DNAH2: variants seen among roughly 807,000 people sequenced by gnomAD.
DNAH2 encodes axonemal beta dynein heavy chain 2.
Under a neutral mutation model 523.5 loss-of-function variants are expected in DNAH2, and 323 were observed. The observed-to-expected ratio is 0.62, with a 90% confidence interval of 0.56 to 0.68. The LOEUF (loss-of-function observed/expected upper bound fraction) is 0.68, where lower values mean the gene tolerates loss of function less well. Ranked by LOEUF, DNAH2 falls within the 30% of genes least tolerant of loss-of-function variation. The probability of loss-of-function intolerance (pLI) is 0.00; values close to 1 mark genes in which losing one functional copy is unlikely to be tolerated. For synonymous variants in DNAH2, 2,093 were observed against 2,177.4 expected, an observed-to-expected ratio of 0.96 and a Z score of 1.08; for missense variants, 4,907 against 5,701.5, an observed-to-expected ratio of 0.86 and a Z score of 4.49.
chr17:7,830,636 C>T (rs1005596055), intron 78 of DNAH2, 22 bp from the exon 79 acceptor site: 1 of 1,612,670 alleles, frequency 6.2e-7, no homozygotes, highest in Non-Finnish European at 8.5e-7. Context: ...GGAATGGGGG[C>T]TTGGGCTGGG....
At chr17:7,811,208 G>A (rs2077507954) in intron 63 of DNAH2, among the ~76,000 whole-genome samples, 1 of 152,000 alleles carries the variant, frequency 6.6e-6, no homozygotes, top group Non-Finnish European at 1.5e-5. Context: ...ACATATCAGA[G>A]GCCATTTAGT....
At chr17:7,744,374 G>A (rs969773780) in intron 12 of DNAH2, among the ~76,000 whole-genome samples, 2 of 151,936 alleles carry the variant, frequency 1.3e-5, no homozygotes, top group South Asian at 2.1e-4. Flanking sequence ...GTGTGGAGAC[G>A]GAGTCCCAGG....
At chr17:7,770,522 A>G (rs774050501) in intron 25 of DNAH2, 35 bp from the exon 26 acceptor site, 4 of 1,613,394 alleles carry the variant, frequency 2.5e-6, no homozygotes, top group Middle Eastern at 1.7e-4. Context: ...GTGAAGAGAT[A>G]CCTGACTGCT....
chr17:7,727,412 G>T (rs1031258175), intron 4 of DNAH2, 120 bp downstream of exon 4: 6 of 1,310,368 alleles, frequency 4.6e-6, no homozygotes, highest in Admixed American at 5.9e-5. Flanking sequence ...GCCCCACTGT[G>T]TCAGGCACCC....
intron 77 of DNAH2, among the ~76,000 whole-genome samples, chr17:7,829,934 G>A (rs563229627): frequency 9.0e-4 from 136 of 150,596 alleles, no homozygotes; most frequent in African/African-American, 3.0e-3. Flanking sequence ...GCTGGGGCAG[G>A]AGAATCGCTT....
intron 2 of DNAH2, among the ~76,000 whole-genome samples, chr17:7,722,191 G>GA (rs976574723): frequency 1.0e-5 from 1 of 99,612 alleles, no homozygotes. Context: ...TAGAGACGGG[G>GA]GGGGGGGTTC....
At chr17:7,770,434 C>CA in intron 25 of DNAH2, 26 bp downstream of exon 25, 1 of 1,611,492 alleles carries the variant, frequency 6.2e-7, no homozygotes, top group Non-Finnish European at 8.5e-7. Flanking sequence ...CCCATGCTCC[C>CA]ACACCTCCTG....
At chr17:7,812,212 T>C (rs1184575599) in intron 63 of DNAH2, among the ~76,000 whole-genome samples, 2 of 152,196 alleles carry the variant, frequency 1.3e-5, no homozygotes, top group African/African-American at 4.8e-5. Flanking sequence ...ATCTAACCAA[T>C]AAGCATTTAC....
intron 28 of DNAH2, among the ~76,000 whole-genome samples, chr17:7,773,125 C>A (rs1366847890): frequency 6.6e-6 from 1 of 152,128 alleles, no homozygotes; most frequent in African/African-American, 2.4e-5. Context: ...ACAAAAAGGT[C>A]AAAACTCAGT....
Position 7,787,843 on chromosome 17 carries a change from C to T in DNAH2, c.6604-17C>T, listed in dbSNP as rs781691796. On this transcript the variant is annotated splice_polypyrimidine_tract_variant and intron_variant, in intron 42 of 85. Transcript: ENST00000572933. ...GATGCAGAGAAAGATGAAGTTCTGACAAACGTATATCCTTAGGTGTCTCTC... is the reference window on the plus strand; with the variant it reads ...GATGCAGAGAAAGATGAAGTTCTGATAAACGTATATCCTTAGGTGTCTCTC... 1 of 1,590,634 alleles carries T rather than the reference C, an allele frequency of 6.3e-7. No homozygotes were observed. The highest frequency in any genetic ancestry group is 1.1e-5 in the South Asian group (1 of 89,108).
intron 44 of DNAH2, among the ~76,000 whole-genome samples, chr17:7,788,464 G>T (rs960886052): frequency 6.6e-6 from 1 of 152,104 alleles, no homozygotes. Context: ...TCTGACTAGG[G>T]GTTCTGAATT....
rs1037593191 is a variant in DNAH2, at chr17:7,766,263, G to A, written c.3512-55G>A. ...CCCACAAAGAGATAGGAGAGCCATG[G>A]CTGTCCTTGCCAGACGTGAGCGGGA... On this transcript the variant is annotated intron_variant, in intron 21 of 85. Transcript: ENST00000572933. 247 of 1,582,910 alleles carry A rather than the reference G, an allele frequency of 1.6e-4. 1 individual carries two copies. The Middle Eastern group carries it at 5.2e-3, about 33-fold the overall frequency.
At chr17:7,796,935 CAA>C (rs370280901) in intron 50 of DNAH2, among the ~76,000 whole-genome samples, 14 of 116,158 alleles carry the variant, frequency 1.2e-4, no homozygotes, top group African/African-American at 3.7e-4. Context: ...ATTAAAAATA[CAA>C]AAAAAAAAAA....
chr17:7,775,908 C>G, intron 30 of DNAH2, 116 bp from the exon 31 acceptor site: 1 of 1,389,752 alleles, frequency 7.2e-7, no homozygotes, highest in Non-Finnish European at 9.7e-7. Context: ...GTTGGCCATT[C>G]CCGCTTTTCT....
intron 73 of DNAH2, among the ~76,000 whole-genome samples, chr17:7,822,301 T>C (rs2077877862): frequency 6.6e-6 from 1 of 152,198 alleles, no homozygotes; most frequent in Non-Finnish European, 1.5e-5. Flanking sequence ...GATGCCATTG[T>C]GACGGGCTCC....
rs2077397162 is a variant in DNAH2 at position 7,807,427 on chromosome 17, T to C, written c.9613-43T>C. ...GGATGCCTGGAGGTGAGGGGGTTGG[T>C]GGGTTGGTGGGCGACTCCCACAGCC... On this transcript the variant is annotated intron_variant, in intron 62 of 85. Coordinates refer to ENST00000572933, the MANE Select transcript of DNAH2 (RefSeq NM_020877.5). The surrounding 1 kb of genome is among the most constrained non-coding windows in gnomAD (Gnocchi z 5.6). 6.2e-7 allele frequency: 1 copy of C among 1,606,788 alleles called. No homozygotes were observed. Among genetic ancestry groups the C allele is most frequent in the Admixed American group, 1.7e-5 (1 of 59,854 alleles).
rs2078165590 is a variant in DNAH2 at position 7,831,250 on chromosome 17, C to T, written c.12395C>T (p.Thr4132Ile). The change falls in exon 80 of 86, where the codon ACT (threonine) becomes ATT (isoleucine). Residue 4132 changes from threonine to isoleucine, a missense_variant. Transcript: ENST00000572933. The surrounding 1 kb of genome is among the most constrained non-coding windows in gnomAD (Gnocchi z 4.2). ...ACTGAGGCACAAACCCTCTTTGATACTTTGCTTTCCTTGCAACCTCAGATT... is the reference window on the plus strand; with the variant it reads ...ACTGAGGCACAAACCCTCTTTGATATTTTGCTTTCCTTGCAACCTCAGATT... Reference protein sequence around the residue: ...QITEAQTLFDTLLSLQPQITP... With the variant: ...QITEAQTLFDILLSLQPQITP... 2 of 1,614,018 alleles carry T rather than the reference C, an allele frequency of 1.2e-6. No homozygotes were observed. Among genetic ancestry groups the T allele is most frequent in the African/African-American group, 2.7e-5 (2 of 74,896 alleles).
chr17:7,723,268 C>CTTTTTTT lies in DNAH2; in HGVS notation c.167-344_167-338dup, dbSNP rs58689789. Among the ~76,000 whole-genome samples, 13 of 59,912 alleles carry CTTTTTTT rather than the reference C, an allele frequency of 2.2e-4. 1 individual carries two copies. Among genetic ancestry groups the CTTTTTTT allele is most frequent in the Non-Finnish European group, 2.5e-4 (9 of 36,370 alleles). 39.3% of individuals were successfully genotyped at this position (59,912 alleles called of 152,430 possible). A position where few individuals can be genotyped will look rare whatever the true frequency, so the allele number is the denominator to read the frequency against. On this transcript the variant is annotated intron_variant, in intron 2 of 85. Coordinates refer to ENST00000572933, the MANE Select transcript of DNAH2 (RefSeq NM_020877.5). Reference sequence around the variant, plus strand: ...TACAGGTGTGAGCCACTGTACCCGGCTTTTTTTTTTTTTTTTTTTTTTGAG... The same window carrying CTTTTTTT: ...TACAGGTGTGAGCCACTGTACCCGGCTTTTTTTTTTTTTTTTTTTTTTTTTTTTTGAG...
chr17:7,751,639 C>T (rs940952337), intron 12 of DNAH2, among the ~76,000 whole-genome samples: 9 of 152,048 alleles, frequency 5.9e-5, no homozygotes, highest in Admixed American at 2.0e-4. Flanking sequence ...AACACATTCC[C>T]GAGTATATTC....
Sources: allele counts gnomAD v4.1 joint callset (sites outside exome capture counted in the v4.1 genomes callset), GRCh38; gene constraint gnomAD v4.1.1; non-coding constraint Gnocchi (gnomAD v3.1); transcripts MANE v1.5; gene names NCBI Gene and HGNC (gene_info 2026-07-23, HGNC 2026-07-21).